Variants in TM2D1 observed in about 807,000 individuals in gnomAD.
TM2D1 encodes the protein TM2 domain-containing protein 1.
In TM2D1, 15 loss-of-function variants were observed where a neutral mutation model predicts 28.4. The observed-to-expected ratio is 0.53, with a 90% CI of 0.35 to 0.81. The LOEUF (loss-of-function observed/expected upper bound fraction) is 0.81, where lower values mean the gene tolerates loss of function less well. TM2D1 is among the 40% of genes least tolerant of loss of function. The pLI is 0.01. For synonymous variants in TM2D1, 93 were observed against 96.2 expected, an observed-to-expected ratio of 0.97 and a Z score of 0.20; for missense variants, 236 against 254.9, an observed-to-expected ratio of 0.93 and a Z score of 0.50.
At chr1:61,686,675 T>A in intron 5 of TM2D1, 1 of 475,244 alleles carries the variant, frequency 2.1e-6, no homozygotes, top group Non-Finnish European at 2.7e-6. Context: ...AAAGAAAAAA[T>A]AAATAAATAA....
chr1:61,713,596 T>G (rs970628918), intron 2 of TM2D1, among the ~76,000 whole-genome samples: 5 of 151,504 alleles, frequency 3.3e-5, no homozygotes, highest in Non-Finnish European at 5.9e-5. Flanking sequence ...AGCCAGTAAG[T>G]AGATTAAGTG....
At chr1:61,691,936 T>TATATATATATAC (rs1644330022) in intron 5 of TM2D1, among the ~76,000 whole-genome samples, 2 of 78,814 alleles carry the variant, frequency 2.5e-5, no homozygotes, top group East Asian at 8.6e-4. Context: ...AAAAAAAATA[T>TATATATATATAC]ATATATATAT....
intron 3 of TM2D1, 151 bp downstream of exon 3, chr1:61,709,178 C>T (rs1644460299): frequency 1.8e-6 from 1 of 551,602 alleles, no homozygotes; most frequent in African/African-American, 1.9e-5. Flanking sequence ...AACCAAAAAA[C>T]AAACACTTAA....
intron 3 of TM2D1, 39 bp from the exon 4 acceptor site, chr1:61,701,064 T>C: frequency 6.6e-7 from 1 of 1,520,666 alleles, no homozygotes; most frequent in Non-Finnish European, 9.0e-7. Flanking sequence ...ATTTCCAATG[T>C]GAACATTTTA....
At position 61,709,543 on chromosome 1, in the gene TM2D1, TA is replaced by T. The variant is rs1253907334; in HGVS notation, c.239-107del. On this transcript the variant is annotated intron_variant, in intron 2 of 6. Coordinates refer to ENST00000606498, the MANE Select transcript of TM2D1 (RefSeq NM_032027.3). ...TGTTATAACAAACTACCTCCCAATATAACATGACACAAGCCTTTAATTTTAG... is the reference window on the plus strand; with the variant it reads ...TGTTATAACAAACTACCTCCCAATATACATGACACAAGCCTTTAATTTTAG... 130 of 741,288 alleles carry T rather than the reference TA, an allele frequency of 1.8e-4. No homozygotes were observed. The East Asian group carries it at 3.7e-3, about 21-fold the overall frequency. The allele number at this position is 741,288 out of a possible 1,614,324, so 45.9% of individuals were successfully genotyped here. A position where few individuals can be genotyped will look rare whatever the true frequency, so the allele number is the denominator to read the frequency against.
Position 61,691,657 on chromosome 1 carries a change from T to C in TM2D1, c.513+3040A>G, listed in dbSNP as rs570826004. 4.5e-3 allele frequency among the ~76,000 whole-genome samples: 678 copies of C among 151,708 alleles called. 4 individuals are homozygous for C. The highest frequency in any genetic ancestry group is 5.7e-3 in the Non-Finnish European group (389 of 67,898). ...GAGGCTGGGTGCAGTGGCTTATGCC[T>C]ATAATCCCAGCACTGTGGGACACCA... On this transcript the variant is annotated intron_variant, in intron 5 of 6. Coordinates refer to ENST00000606498, the MANE Select transcript of TM2D1 (RefSeq NM_032027.3).
intron 1 of TM2D1, among the ~76,000 whole-genome samples, chr1:61,724,043 A>G (rs1644587215): frequency 6.6e-6 from 1 of 152,188 alleles, no homozygotes; most frequent in Admixed American, 6.5e-5. Flanking sequence ...TACAAATAAT[A>G]TAATAATACA....
At chr1:61,690,322 T>C (rs1644314311) in intron 5 of TM2D1, among the ~76,000 whole-genome samples, 1 of 151,658 alleles carries the variant, frequency 6.6e-6, no homozygotes, top group Non-Finnish European at 1.5e-5. Context: ...CCAGGTGTGG[T>C]GGTTGGCACC....
chr1:61,725,081 C>T lies in TM2D1; in HGVS notation c.40G>A (p.Ala14Thr), dbSNP rs1181756067. 2 of 1,613,878 alleles carry T rather than the reference C, an allele frequency of 1.2e-6. No homozygotes were observed. Among genetic ancestry groups the T allele is most frequent in the Admixed American group, 1.7e-5 (1 of 60,028 alleles). ...ACACCAACGAGTCTGGCCGTCACGG[C>T]CTCCGGAGCAGACGGACCAGACGGC... ...AWPSGPSAPE[A>T]VTARLVGVLW... is the part of the protein sequence containing the mutation. The change falls in exon 1 of 7, where the codon GCC becomes ACC. Residue 14 changes from alanine (A) to threonine (T), a missense_variant. By Grantham distance (58) the Ala-to-Thr change is moderately conservative (BLOSUM62 0). Around this residue, in one of 3 missense-constraint regions of TM2D1, gnomAD observed 167 missense variants for 162.7 expected, o/e 1.03. Transcript: ENST00000606498.
intron 2 of TM2D1, 104 bp downstream of exon 2, chr1:61,723,609 A>T: frequency 1.8e-6 from 1 of 548,600 alleles, no homozygotes. Flanking sequence ...TAATGTTATC[A>T]TTTAGAAAAA....
At chr1:61,698,865 A>G (rs1382878020) in intron 4 of TM2D1, 3 of 152,062 alleles carry the variant, frequency 2.0e-5, no homozygotes, top group Non-Finnish European at 4.4e-5. Context: ...GTCTATGGGC[A>G]CACACCACCG....
intron 4 of TM2D1, 24 bp downstream of exon 4, chr1:61,700,908 ATT>A (rs747012148): frequency 2.7e-6 from 4 of 1,481,072 alleles, no homozygotes; most frequent in Non-Finnish European, 3.7e-6. Flanking sequence ...TTTCATAAGG[ATT>A]TTTTTTTAAT....
At chr1:61,720,650 A>C (rs1644556833) in intron 2 of TM2D1, among the ~76,000 whole-genome samples, 1 of 152,174 alleles carries the variant, frequency 6.6e-6, no homozygotes, top group South Asian at 2.1e-4. Flanking sequence ...AATATAAATA[A>C]ATGAACAAAT....
At position 61,708,746 on chromosome 1, in the gene TM2D1, T is replaced by C. The variant is rs147918193; in HGVS notation, c.347+583A>G. ...GAAGACAATTTTTTCATAACTCAATTAGTGGCATAAACTAACTGACCTGAA... is the reference window on the plus strand; with the variant it reads ...GAAGACAATTTTTTCATAACTCAATCAGTGGCATAAACTAACTGACCTGAA... On this transcript the variant is annotated intron_variant, in intron 3 of 6. Coordinates refer to ENST00000606498, the MANE Select transcript of TM2D1 (RefSeq NM_032027.3). Among the ~76,000 whole-genome samples the C allele has an allele frequency of 1.2e-4, 18 of 152,266 alleles. No homozygotes were observed. The East Asian group carries it at 2.7e-3, about 23-fold the overall frequency.
intron 4 of TM2D1, 84 bp from the exon 5 acceptor site, chr1:61,694,854 T>C: frequency 1.8e-6 from 1 of 560,078 alleles, no homozygotes; most frequent in Non-Finnish European, 3.0e-6. Context: ...AAACCATTAT[T>C]ATATATATAT....
chr1:61,687,909 A>C (rs984200466), intron 5 of TM2D1, among the ~76,000 whole-genome samples: 3 of 152,168 alleles, frequency 2.0e-5, no homozygotes, highest in Non-Finnish European at 4.4e-5. Context: ...AACTCCCCCA[A>C]ATAACTAATA....
Position 61,710,463 on chromosome 1 carries a change from C to T in TM2D1, c.239-1026G>A, listed in dbSNP as rs868792338. ...AAAAAAAAATGTATATATATATATA[C>T]ATATATATATATACACACACACACA... On this transcript the variant is annotated intron_variant, in intron 2 of 6. Transcript: ENST00000606498. Among the ~76,000 whole-genome samples the T allele has an allele frequency of 4.1e-4, 32 of 78,822 alleles. 1 individual carries two copies. The highest frequency in any genetic ancestry group is 9.3e-4 in the African/African-American group (16 of 17,212). The allele number at this position is 78,822 out of a possible 152,430, so 51.7% of individuals were successfully genotyped here.
At chr1:61,687,273 T>G (rs772466026) in intron 5 of TM2D1, among the ~76,000 whole-genome samples, 2 of 152,194 alleles carry the variant, frequency 1.3e-5, no homozygotes, top group Admixed American at 6.5e-5. Flanking sequence ...AGGAAGCTAT[T>G]ACTTAAGGGG....
chr1:61,714,836 C>G lies in TM2D1; in HGVS notation c.239-5399G>C, dbSNP rs1320711375. On this transcript the variant is annotated intron_variant, in intron 2 of 6. Transcript: ENST00000606498. Reference sequence around the variant, plus strand: ...CTCCCAAAGGTGTGAGCCACCATGCCCAGCCAACAGTATCTATTTTTCAAC... The same window carrying G: ...CTCCCAAAGGTGTGAGCCACCATGCGCAGCCAACAGTATCTATTTTTCAAC... Among the ~76,000 whole-genome samples, 8 of 152,124 alleles carry G rather than the reference C, an allele frequency of 5.3e-5. No individual in the cohort carries two copies. The East Asian group carries it at 1.5e-3, about 29-fold the overall frequency.
Sources: gnomAD v4.1 joint callset for allele counts (sites outside exome capture counted in the v4.1 genomes callset) on GRCh38, gnomAD v4.1.1 for gene constraint, gnomAD v4.1.1 regional missense constraint, MANE v1.5 for transcripts, NCBI Gene and HGNC (gene_info 2026-07-23, HGNC 2026-07-21) for gene names.